Variants in ADGRV1 observed in about 807,000 individuals in gnomAD.
ADGRV1 encodes the protein adhesion G protein-coupled receptor V1.
In ADGRV1, 359 loss-of-function variants were observed where a neutral mutation model predicts 596.2. The ratio of observed to expected loss-of-function variants is 0.60; its 90% CI spans 0.55 to 0.66. ADGRV1 has a LOEUF of 0.66. Ranked by LOEUF, ADGRV1 falls within the 30% of genes least tolerant of loss-of-function variation. The pLI, the probability that ADGRV1 is intolerant of heterozygous loss-of-function variation, is 0.00. For synonymous variants in ADGRV1, 2,681 were observed against 2,679.2 expected, an observed-to-expected ratio of 1.00 and a Z score of -0.02; for missense variants, 7,274 against 7,575.6, an observed-to-expected ratio of 0.96 and a Z score of 1.48.
intron 71 of ADGRV1, 139 bp from the exon 72 acceptor site, chr5:90,805,145 T>A (rs1253531803): frequency 6.1e-6 from 3 of 494,736 alleles, no homozygotes; most frequent in African/African-American, 2.0e-5. Flanking sequence ...ATGTTATTTC[T>A]TAAGCACTTC....
At chr5:90,816,037 G>A (rs756749529) in intron 75 of ADGRV1, among the ~76,000 whole-genome samples, 47 of 152,280 alleles carry the variant, frequency 3.1e-4, no homozygotes, top group South Asian at 4.2e-4. Context: ...ATTTTCCTGT[G>A]ATGAAAACTT....
chr5:91,163,707 C>G, intron 89 of ADGRV1, 75 bp from the exon 90 acceptor site: 1 of 621,036 alleles, frequency 1.6e-6, no homozygotes, highest in Non-Finnish European at 2.9e-6. Flanking sequence ...AGGCTTGGAC[C>G]TAATGTAAAT....
At chr5:90,571,735 C>T (rs1207815421) in intron 1 of ADGRV1, among the ~76,000 whole-genome samples, 1 of 152,116 alleles carries the variant, frequency 6.6e-6, no homozygotes, top group South Asian at 2.1e-4. Context: ...CTACCCCATT[C>T]TGTTCCCTTC....
intron 67 of ADGRV1, among the ~76,000 whole-genome samples, chr5:90,785,512 A>G (rs1001166760): frequency 9.9e-5 from 15 of 152,244 alleles, no homozygotes; most frequent in Admixed American, 2.0e-4. Flanking sequence ...TCCATCTGAC[A>G]AAGGGCTAAT....
Position 90,823,177 on chromosome 5 carries a change from C to G in ADGRV1, c.16197-248C>G, listed in dbSNP as rs1317696840. Reference sequence around the variant, plus strand: ...ATTCCTTATACAGAGTATTAGGATACTTATTCATTGTTGAATGGAGTGTAT... The same window carrying G: ...ATTCCTTATACAGAGTATTAGGATAGTTATTCATTGTTGAATGGAGTGTAT... On this transcript the variant is annotated intron_variant, in intron 75 of 89. Transcript: ENST00000405460. Among the ~76,000 whole-genome samples, 3 of 152,296 alleles carry G rather than the reference C, an allele frequency of 2.0e-5. No individual in the cohort carries two copies. In the South Asian group the frequency reaches 6.2e-4, roughly 32 times the overall value.
Position 90,811,341 on chromosome 5 carries a change from A to C in ADGRV1, c.16078+3A>C, listed in dbSNP as rs953628006. 1 of 1,576,810 alleles carries C rather than the reference A, an allele frequency of 6.3e-7. No individual in the cohort carries two copies. Among genetic ancestry groups the C allele is most frequent in the Non-Finnish European group, 8.6e-7 (1 of 1,162,694 alleles). On this transcript the variant is annotated splice_donor_region_variant and intron_variant, in intron 74 of 89. Coordinates refer to ENST00000405460, the MANE Select transcript of ADGRV1 (RefSeq NM_032119.4). ...TTTTGCCATGGTTATTATTACAGGT[A>C]TATCTTTGAAATGATGGAGATAAAA... is the stretch of plus-strand genomic sequence containing the variant.
intron 25 of ADGRV1, among the ~76,000 whole-genome samples, chr5:90,678,170 C>T (rs991272525): frequency 5.3e-5 from 8 of 151,950 alleles, no homozygotes; most frequent in Non-Finnish European, 1.0e-4. Context: ...GGTATATTCC[C>T]ATCCTATTGA....
intron 85 of ADGRV1, among the ~76,000 whole-genome samples, chr5:91,009,365 T>C (rs970021429): frequency 6.6e-6 from 1 of 152,168 alleles, no homozygotes; most frequent in African/African-American, 2.4e-5. Flanking sequence ...GGTCTCAGAT[T>C]GTACTTACTG....
At chr5:91,084,540 C>T (rs190877555) in intron 86 of ADGRV1, among the ~76,000 whole-genome samples, 6 of 152,240 alleles carry the variant, frequency 3.9e-5, no homozygotes, top group Admixed American at 1.3e-4. Context: ...TACCATCTCA[C>T]GCCAGTTAGA....
At position 90,724,936 on chromosome 5, in the gene ADGRV1, A is replaced by T; in HGVS notation, c.9853A>T (p.Arg3285Ter). The T allele has an allele frequency of 6.2e-7, 1 of 1,610,314 alleles. No homozygotes were observed. The highest frequency in any genetic ancestry group is 8.5e-7 in the Non-Finnish European group (1 of 1,177,878). Residue 3285 changes from arginine to a stop codon, truncating the protein, a stop_gained, in exon 46 of 90, where the codon AGA (arginine) becomes TGA (stop). Coordinates refer to ENST00000405460, the MANE Select transcript of ADGRV1 (RefSeq NM_032119.4). LOFTEE classifies it high-confidence loss of function. The stretch of plus-strand genomic sequence containing the variant: ...AAATTTAATATATGGTATAATGTTA[A>T]GAAAATCATCTGTTACTGTTTACCG... ...LENLIYGIML[R>*]KSSVTVYRWQ... is the part of the protein sequence containing the mutation.
At position 90,735,456 on chromosome 5, in the gene ADGRV1, C is replaced by G. The variant is rs946998280; in HGVS notation, c.10549+5692C>G. 2.6e-5 allele frequency among the ~76,000 whole-genome samples: 4 copies of G among 152,164 alleles called. No homozygotes were observed. In the South Asian group the frequency reaches 6.2e-4, roughly 24 times the overall value. On this transcript the variant is annotated intron_variant, in intron 50 of 89. Coordinates refer to ENST00000405460, the MANE Select transcript of ADGRV1 (RefSeq NM_032119.4). ...AGTCAGGTAGTGTGATGCATCCAGCCTTGTTCTTTTTGCTTGAGATCGTTT... is the reference window on the plus strand; with the variant it reads ...AGTCAGGTAGTGTGATGCATCCAGCGTTGTTCTTTTTGCTTGAGATCGTTT...
chr5:91,046,141 A>G (rs1285977281), intron 85 of ADGRV1, among the ~76,000 whole-genome samples: 1 of 152,092 alleles, frequency 6.6e-6, no homozygotes, highest in East Asian at 1.9e-4. Flanking sequence ...TATCATCATC[A>G]TTCTTCACAG....
intron 79 of ADGRV1, among the ~76,000 whole-genome samples, chr5:90,850,315 T>G (rs1034521352): frequency 6.6e-6 from 1 of 152,044 alleles, no homozygotes; most frequent in African/African-American, 2.4e-5. Flanking sequence ...GAAATTGAGG[T>G]TTTTTCTTAA....
At chr5:91,015,456 GTCTA>G (rs1241211295) in intron 85 of ADGRV1, among the ~76,000 whole-genome samples, 1 of 151,888 alleles carries the variant, frequency 6.6e-6, no homozygotes. Flanking sequence ...TGCCTCAATG[GTCTA>G]TCTAATACTG....
intron 86 of ADGRV1, among the ~76,000 whole-genome samples, chr5:91,084,068 T>G (rs1357058357): frequency 6.6e-6 from 1 of 152,216 alleles, no homozygotes; most frequent in African/African-American, 2.4e-5. Context: ...ACCATTTTCC[T>G]CTCCACATCT....
chr5:90,598,466 G>A (rs1487786606), intron 1 of ADGRV1, among the ~76,000 whole-genome samples: 1 of 152,230 alleles, frequency 6.6e-6, no homozygotes, highest in Admixed American at 6.5e-5. Context: ...GGCATAGGCA[G>A]TGGAGCGTTT....
chr5:91,045,016 T>C (rs1785673183), intron 85 of ADGRV1, among the ~76,000 whole-genome samples: 1 of 152,082 alleles, frequency 6.6e-6, no homozygotes, highest in Non-Finnish European at 1.5e-5. Flanking sequence ...ATGAAAAGCA[T>C]TTTATTAGGT....
At chr5:90,573,828 G>T (rs978237264) in intron 1 of ADGRV1, among the ~76,000 whole-genome samples, 2 of 152,098 alleles carry the variant, frequency 1.3e-5, no homozygotes, top group African/African-American at 4.8e-5. Flanking sequence ...GTCAGATATT[G>T]TTCATTCATG....
intron 73 of ADGRV1, among the ~76,000 whole-genome samples, chr5:90,808,179 A>T (rs534961719): frequency 1.3e-5 from 2 of 152,332 alleles, no homozygotes; most frequent in African/African-American, 4.8e-5. Context: ...GAATTTTACT[A>T]TGTATCTATA....
Sources: gnomAD v4.1 joint callset for allele counts (sites outside exome capture counted in the v4.1 genomes callset) on GRCh38, gnomAD v4.1.1 for gene constraint, MANE v1.5 for transcripts, NCBI Gene and HGNC (gene_info 2026-07-23, HGNC 2026-07-21) for gene names.